STPG2: variants seen among roughly 807,000 people sequenced by gnomAD.
The protein encoded by STPG2 is sperm tail PG-rich repeat containing 2.
Under a neutral mutation model 54.2 loss-of-function variants are expected in STPG2, and 56 were observed. The observed-to-expected ratio is 1.03, with a 90% CI of 0.83 to 1.29. The LOEUF (loss-of-function observed/expected upper bound fraction) is 1.29. Among genes scored for constraint, STPG2 ranks in the 50% most tolerant of loss-of-function variants. The probability of loss-of-function intolerance (pLI) is 0.00; values close to 1 mark genes in which losing one functional copy is unlikely to be tolerated. For synonymous variants in STPG2, 200 were observed against 181.8 expected (o/e 1.10, Z -0.81); for missense variants, 596 against 544.9 (o/e 1.09, Z -0.93).
intron 9 of STPG2, among the ~76,000 whole-genome samples, chr4:97,733,933 C>G (rs1225855147): frequency 6.6e-6 from 1 of 152,180 alleles, no homozygotes; most frequent in Non-Finnish European, 1.5e-5. Context: ...TTTCTATAAA[C>G]AAAATCATGC....
In STPG2 at chr4:97,446,755, G is replaced by A. The variant is rs74218189; in HGVS notation, c.463-258922C>T. 5.7e-3 allele frequency among the ~76,000 whole-genome samples: 861 copies of A among 152,150 alleles called. 4 individuals carry two copies. Among genetic ancestry groups the A allele is most frequent in the Non-Finnish European group, 8.5e-3 (581 of 67,980 alleles). ...TGAAGAAGGTACTGGCTTCTCCTTC[G>A]CCTTCCACCATGATTGTAAGTTTCC... On this transcript the variant is annotated intron_variant, in intron 4 of 4. Transcript: ENST00000522676.
chr4:98,027,319 G>A (rs1435727231), intron 5 of STPG2, among the ~76,000 whole-genome samples: 1 of 152,128 alleles, frequency 6.6e-6, no homozygotes, highest in Non-Finnish European at 1.5e-5. Flanking sequence ...ACAGTAAGCA[G>A]TCTAGCCCAC....
At chr4:97,759,074 A>T (rs1725814044) in intron 9 of STPG2, among the ~76,000 whole-genome samples, 1 of 152,228 alleles carries the variant, frequency 6.6e-6, no homozygotes, top group South Asian at 2.1e-4. Context: ...GTTATTACAG[A>T]GATGATGTCA....
rs13147195 is a variant in STPG2 at position 97,972,183 on chromosome 4, G to T, written c.933+97C>A. On this transcript the variant is annotated intron_variant, in intron 7 of 10. Transcript: ENST00000295268. ...TGGAACATGGTTATAATAACTATTT[G>T]ACATCCTTTTCTATTAATTATAACA... 0.42 allele frequency: 331,518 copies of T among 796,976 alleles called. 70,002 individuals are homozygous for T. The highest frequency in any genetic ancestry group is 0.46 in the Middle Eastern group (1,413 of 3,086). 49.4% of individuals were successfully genotyped at this position (796,976 alleles called of 1,614,324 possible).
chr4:97,995,733 G>A (rs989972355), intron 5 of STPG2, among the ~76,000 whole-genome samples: 24 of 152,120 alleles, frequency 1.6e-4, no homozygotes, highest in Admixed American at 3.9e-4. Flanking sequence ...CTCATTTCTG[G>A]TCCCCAGTGA....
intron 8 of STPG2, among the ~76,000 whole-genome samples, chr4:97,895,077 T>C (rs1221914452): frequency 6.6e-6 from 1 of 151,864 alleles, no homozygotes; most frequent in Non-Finnish European, 1.5e-5. Context: ...ACAATAATTG[T>C]GGGCTCAAGG....
In STPG2 at chr4:97,464,323, G is replaced by A. The variant is rs537535929; in HGVS notation, c.462+248376C>T. Among the ~76,000 whole-genome samples the A allele has an allele frequency of 5.3e-5, 8 of 152,214 alleles. No individual in the cohort carries two copies. The South Asian group carries it at 1.2e-3, about 24-fold the overall frequency. ...CGCATTAGGTATTATAAGTAATCTA[G>A]AGATTACTTAATACTTTGGAAGATG... On this transcript the variant is annotated intron_variant, in intron 4 of 4. Coordinates refer to the STPG2 transcript ENST00000522676.
intron 8 of STPG2, among the ~76,000 whole-genome samples, chr4:97,847,839 T>A (rs1408337623): frequency 1.3e-5 from 2 of 152,228 alleles, no homozygotes; most frequent in Non-Finnish European, 2.9e-5. Context: ...TTTGTTCACC[T>A]TTCTCTCGCA....
intron 10 of STPG2, among the ~76,000 whole-genome samples, chr4:97,690,877 C>G (rs955356101): frequency 6.6e-6 from 1 of 152,138 alleles, no homozygotes; most frequent in African/African-American, 2.4e-5. Context: ...CACTGTTCTT[C>G]AAGAGTAGAA....
chr4:97,946,261 G>T (rs942197215), intron 7 of STPG2, among the ~76,000 whole-genome samples: 10 of 151,876 alleles, frequency 6.6e-5, no homozygotes, highest in African/African-American at 2.4e-4. Context: ...TTTCTTGCTG[G>T]TTTGTTTGAG....
intron 8 of STPG2, among the ~76,000 whole-genome samples, chr4:97,883,345 G>T (rs1194677260): frequency 6.6e-6 from 1 of 151,652 alleles, no homozygotes; most frequent in Non-Finnish European, 1.5e-5. Flanking sequence ...CAGTGATTGT[G>T]GCAGTACACT....
intron 8 of STPG2, among the ~76,000 whole-genome samples, chr4:97,909,337 T>A (rs569445271): frequency 6.6e-6 from 1 of 151,938 alleles, no homozygotes; most frequent in African/African-American, 2.4e-5. Context: ...AAATTTAATC[T>A]GTTATTAAAA....
intron 5 of STPG2, among the ~76,000 whole-genome samples, chr4:98,049,602 T>C (rs987328597): frequency 1.3e-5 from 2 of 152,210 alleles, no homozygotes; most frequent in Non-Finnish European, 2.9e-5. Flanking sequence ...TAAGCAACAA[T>C]TTATCTTTTG....
intron 10 of STPG2, among the ~76,000 whole-genome samples, chr4:97,630,643 A>C (rs1721242598): frequency 6.6e-6 from 1 of 151,928 alleles, no homozygotes; most frequent in South Asian, 2.1e-4. Context: ...GCAAAAATAA[A>C]TATTAGCTTT....
downstream of STPG2, among the ~76,000 whole-genome samples, chr4:97,557,696 C>T (rs1381087943): frequency 6.6e-6 from 1 of 152,114 alleles, no homozygotes; most frequent in East Asian, 1.9e-4. Context: ...GCTACAGGGC[C>T]AAGCAAATAG....
chr4:97,772,418 T>C (rs905154531), intron 9 of STPG2, among the ~76,000 whole-genome samples: 1 of 152,202 alleles, frequency 6.6e-6, no homozygotes, highest in Admixed American at 6.5e-5. Context: ...TTAATGTAAA[T>C]AGTGAATATA....
chr4:97,882,974 C>CAT (rs1395660630), intron 8 of STPG2, among the ~76,000 whole-genome samples: 3 of 107,212 alleles, frequency 2.8e-5, no homozygotes, highest in Non-Finnish European at 5.7e-5. Context: ...ATACATACCA[C>CAT]ATACACACAC....
chr4:98,131,311 G>A lies in STPG2; in HGVS notation c.223-2719C>T, dbSNP rs181745226. Among the ~76,000 whole-genome samples, 199 of 152,006 alleles carry A rather than the reference G, an allele frequency of 1.3e-3. 1 individual carries two copies. Among genetic ancestry groups the A allele is most frequent in the African/African-American group, 4.0e-3 (164 of 41,472 alleles). On this transcript the variant is annotated intron_variant, in intron 2 of 10. Transcript: ENST00000295268. ...AACAGTATTATACTGAATTTCATTCGTTATTTTCCTGTTAAAATTATACAT... is the reference window on the plus strand; with the variant it reads ...AACAGTATTATACTGAATTTCATTCATTATTTTCCTGTTAAAATTATACAT...
chr4:97,758,234 A>G (rs1162354429), intron 9 of STPG2, among the ~76,000 whole-genome samples: 2 of 152,198 alleles, frequency 1.3e-5, no homozygotes, highest in African/African-American at 4.8e-5. Flanking sequence ...GTAAAAGAAA[A>G]GGGAAAGGGA....
Sources: gnomAD v4.1 joint callset for allele counts (sites outside exome capture counted in the v4.1 genomes callset) on GRCh38, gnomAD v4.1.1 for gene constraint, MANE v1.5 for transcripts, NCBI Gene and HGNC (gene_info 2026-07-23, HGNC 2026-07-21) for gene names.